The following HHAT variants were observed in gnomAD, a reference collection of about 807,000 sequenced individuals.
HHAT encodes protein-cysteine N-palmitoyltransferase HHAT.
HHAT carries 47 observed loss-of-function variants against 70.8 expected under a neutral mutation model. The observed-to-expected ratio is 0.66, with a 90% CI of 0.53 to 0.85. The LOEUF is 0.85. Ranked by LOEUF, HHAT falls within the 40% of genes least tolerant of loss-of-function variation. The pLI is 0.00. For synonymous variants in HHAT, 228 were observed against 247.6 expected, an observed-to-expected ratio of 0.92 and a Z score of 0.74; for missense variants, 609 against 604.8, an observed-to-expected ratio of 1.01 and a Z score of -0.07.
chr1:210,624,703 A>G (rs921137615), intron 11 of HHAT, among the ~76,000 whole-genome samples: 5 of 152,216 alleles, frequency 3.3e-5, no homozygotes, highest in African/African-American at 1.2e-4. Context: ...ATCGTTGTTT[A>G]TTTATGGTCA....
chr1:210,428,627 G>T (rs2093149888), intron 7 of HHAT, among the ~76,000 whole-genome samples: 1 of 150,940 alleles, frequency 6.6e-6, no homozygotes, highest in African/African-American at 2.5e-5. Flanking sequence ...TTCTTATAAT[G>T]TCATTTAGCA....
chr1:210,555,642 C>G lies in HHAT; in HGVS notation c.1044-32256C>G, dbSNP rs536218310. On this transcript the variant is annotated intron_variant, in intron 9 of 11. Coordinates refer to ENST00000261458, the MANE Select transcript of HHAT (RefSeq NM_018194.6). The stretch of plus-strand genomic sequence containing the variant: ...AGCAGCCAGCCTTTGACACACTGTC[C>G]CTCATAACTGTTAGATAACAGGCTG... Among the ~76,000 whole-genome samples, 4 of 152,270 alleles carry G rather than the reference C, an allele frequency of 2.6e-5. No individual in the cohort carries two copies. In the East Asian group the frequency reaches 5.8e-4, roughly 22 times the overall value.
At chr1:210,624,269 T>C (rs894588023) in intron 11 of HHAT, among the ~76,000 whole-genome samples, 2 of 152,270 alleles carry the variant, frequency 1.3e-5, no homozygotes, top group Admixed American at 1.3e-4. Context: ...AAGAAGGTCT[T>C]CACCAGATGC....
At chr1:210,328,267 T>TG (rs1425647561), upstream of HHAT, 1 of 152,180 alleles carries the variant, frequency 6.6e-6, no homozygotes, top group Non-Finnish European at 1.5e-5. Flanking sequence ...GGCTCAGGCT[T>TG]GGAGGCCTCC....
chr1:210,543,022 A>G (rs1181323125), intron 9 of HHAT, among the ~76,000 whole-genome samples: 1 of 152,136 alleles, frequency 6.6e-6, no homozygotes, highest in Non-Finnish European at 1.5e-5. Flanking sequence ...GGAGAACTGC[A>G]TTTGCTTCAT....
intron 4 of HHAT, among the ~76,000 whole-genome samples, chr1:210,394,229 CTTTTTTTTTTTTTTTTTTTTTTT>C (rs59554789): frequency 1.0e-3 from 118 of 116,326 alleles, no homozygotes; most frequent in Admixed American, 5.4e-4. Context: ...CATGATCTAT[CTTTTTTTTTTTTTTTTTTTTTTT>C]TTTTTTTTTT....
intron 7 of HHAT, among the ~76,000 whole-genome samples, chr1:210,424,803 A>G (rs1006410097): frequency 5.3e-5 from 8 of 152,186 alleles, no homozygotes; most frequent in Non-Finnish European, 4.4e-5. Flanking sequence ...TAGTGTTGCA[A>G]TGAACATACG....
At chr1:210,661,452 G>A (rs917665375) in intron 11 of HHAT, among the ~76,000 whole-genome samples, 6 of 152,208 alleles carry the variant, frequency 3.9e-5, no homozygotes, top group African/African-American at 1.4e-4. Flanking sequence ...CACTTTTGGT[G>A]GGAGTGTAAA....
chr1:210,544,367 G>GTTTTTTTTTTTTTTTTTTTTTTTTTTTC (rs569514246), intron 9 of HHAT, among the ~76,000 whole-genome samples: 1 of 90,054 alleles, frequency 1.1e-5, no homozygotes, highest in African/African-American at 4.3e-5. Context: ...TCTTTCTTTC[G>GTTTTTTTTTTTTTTTTTTTTTTTTTTTC]TTTTTTTTTT....
intron 1 of HHAT, among the ~76,000 whole-genome samples, chr1:210,343,770 A>G (rs536494515): frequency 7.6e-4 from 115 of 152,286 alleles, no homozygotes; most frequent in African/African-American, 2.6e-3. Context: ...GGGGATGCCA[A>G]CTTCCTGAAA....
chr1:210,523,469 G>A (rs189324555), intron 9 of HHAT, among the ~76,000 whole-genome samples: 11 of 152,268 alleles, frequency 7.2e-5, no homozygotes, highest in South Asian at 4.2e-4. Context: ...GGATGCTTTA[G>A]ATCCCCAAGC....
At chr1:210,424,602 A>C (rs1257734249) in intron 7 of HHAT, among the ~76,000 whole-genome samples, 1 of 141,934 alleles carries the variant, frequency 7.0e-6, no homozygotes, top group Admixed American at 7.1e-5. Flanking sequence ...CCCACCCTCC[A>C]CCCCGTGATA....
At chr1:210,488,231 A>G (rs955826027) in intron 8 of HHAT, among the ~76,000 whole-genome samples, 4 of 152,182 alleles carry the variant, frequency 2.6e-5, no homozygotes, top group Admixed American at 1.3e-4. Flanking sequence ...GCATATCTGC[A>G]TCACAGATTC....
intron 11 of HHAT, among the ~76,000 whole-genome samples, chr1:210,639,702 A>C (rs992775676): frequency 1.4e-4 from 22 of 152,184 alleles, no homozygotes; most frequent in African/African-American, 5.1e-4. Context: ...CATTATTAAC[A>C]CAATGTTGAG....
intron 8 of HHAT, among the ~76,000 whole-genome samples, chr1:210,498,730 T>C (rs1177295253): frequency 6.6e-6 from 1 of 152,164 alleles, no homozygotes; most frequent in Non-Finnish European, 1.5e-5. Context: ...CAGGCACTCT[T>C]TTATATGTAT....
Position 210,328,925 on chromosome 1 carries a change from C to A in HHAT, c.-223C>A. ...GCGGGCACGGCGGCAGGGGCGTGCTCGGAGGACGCGCGCTGCGCTGCTCCT... is the reference window on the plus strand; with the variant it reads ...GCGGGCACGGCGGCAGGGGCGTGCTAGGAGGACGCGCGCTGCGCTGCTCCT... On this transcript the variant is annotated 5_prime_UTR_variant, in exon 1 of 12. Transcript: ENST00000261458. 1 of 1,019,412 alleles carries A rather than the reference C, an allele frequency of 9.8e-7. No individual in the cohort carries two copies. Among genetic ancestry groups the A allele is most frequent in the South Asian group, 4.2e-5 (1 of 23,808 alleles). The allele number at this position is 1,019,412 out of a possible 1,614,324, so 63.1% of individuals were successfully genotyped here.
chr1:210,566,915 A>C (rs1390299224), intron 9 of HHAT, among the ~76,000 whole-genome samples: 1 of 152,232 alleles, frequency 6.6e-6, no homozygotes, highest in African/African-American at 2.4e-5. Flanking sequence ...CACTTAAGCC[A>C]TTCACAGATG....
chr1:210,509,925 A>C (rs999703809), intron 8 of HHAT, among the ~76,000 whole-genome samples: 1 of 152,226 alleles, frequency 6.6e-6, no homozygotes, highest in African/African-American at 2.4e-5. Flanking sequence ...ATTAGTTCTC[A>C]GATACATTCA....
At chr1:210,672,771 G>A (rs1680350013) in intron 11 of HHAT, among the ~76,000 whole-genome samples, 1 of 152,138 alleles carries the variant, frequency 6.6e-6, no homozygotes, top group Non-Finnish European at 1.5e-5. Context: ...AAAAAGAAAA[G>A]AACATCAGAT....
Sources: allele counts gnomAD v4.1 joint callset (sites outside exome capture counted in the v4.1 genomes callset), GRCh38; gene constraint gnomAD v4.1.1; transcripts MANE v1.5; gene names NCBI Gene and HGNC (gene_info 2026-07-23, HGNC 2026-07-21).